Variants in DENND1B observed in about 807,000 individuals in gnomAD.
DENND1B encodes DENN domain containing 1B.
In DENND1B, 59 loss-of-function variants were observed where a neutral mutation model predicts 90.1. That is an observed-to-expected ratio of 0.65 (90% confidence interval 0.53 to 0.81). The LOEUF is 0.81. Among genes scored for constraint, DENND1B ranks in the 40% least tolerant of loss-of-function variants. The pLI, the probability that DENND1B is intolerant of heterozygous loss-of-function variation, is 0.00. For synonymous variants in DENND1B, 337 were observed against 324.6 expected, an observed-to-expected ratio of 1.04 and a Z score of -0.41; for missense variants, 862 against 912.6, an observed-to-expected ratio of 0.94 and a Z score of 0.71.
intron 2 of DENND1B, among the ~76,000 whole-genome samples, chr1:197,762,291 G>A (rs1655170342): frequency 6.6e-6 from 1 of 151,610 alleles, no homozygotes; most frequent in African/African-American, 2.4e-5. Context: ...TTTTGAGACG[G>A]AGTCTCGCTC....
At chr1:197,653,447 T>C (rs2125939372) in intron 6 of DENND1B, among the ~76,000 whole-genome samples, 1 of 152,248 alleles carries the variant, frequency 6.6e-6, no homozygotes, top group East Asian at 1.9e-4. Flanking sequence ...ATAAAAATTT[T>C]TAGACTAGCT....
At chr1:197,770,590 TTGTG>T (rs59631965) in intron 2 of DENND1B, among the ~76,000 whole-genome samples, 11 of 145,404 alleles carry the variant, frequency 7.6e-5, no homozygotes, top group East Asian at 3.9e-4. Context: ...AATTAGCCTG[TTGTG>T]TGTGTGTGTG....
intron 2 of DENND1B, among the ~76,000 whole-genome samples, chr1:197,725,403 AC>A (rs1661538417): frequency 6.6e-6 from 1 of 152,040 alleles, no homozygotes. Flanking sequence ...CCAAGAATAG[AC>A]CCTTTCTAAA....
intron 15 of DENND1B, among the ~76,000 whole-genome samples, chr1:197,579,005 A>G (rs1176050207): frequency 6.6e-6 from 1 of 152,284 alleles, no homozygotes; most frequent in African/African-American, 2.4e-5. Flanking sequence ...AGGCTTTCCG[A>G]GTGATTCAGA....
intron 20 of DENND1B, 50 bp from the exon 21 acceptor site, chr1:197,513,003 C>T: frequency 6.8e-7 from 1 of 1,480,354 alleles, no homozygotes; most frequent in South Asian, 1.2e-5. Flanking sequence ...TAAAATAAGT[C>T]TCTTTAGCAA....
chr1:197,728,477 TC>T (rs1168907600), intron 2 of DENND1B, among the ~76,000 whole-genome samples: 1 of 152,180 alleles, frequency 6.6e-6, no homozygotes, highest in African/African-American at 2.4e-5. Context: ...TTGACTAGTG[TC>T]CAACACTGAA....
intron 10 of DENND1B, among the ~76,000 whole-genome samples, chr1:197,622,684 T>C (rs1402516288): frequency 1.3e-5 from 2 of 151,246 alleles, no homozygotes; most frequent in Non-Finnish European, 3.0e-5. Context: ...TCCCAGAAAA[T>C]GTTAAAAGGA....
intron 20 of DENND1B, among the ~76,000 whole-genome samples, chr1:197,518,177 T>A (rs1668533008): frequency 6.6e-6 from 1 of 151,878 alleles, no homozygotes; most frequent in African/African-American, 2.4e-5. Context: ...AGCAAAATGA[T>A]TATGAGGTGT....
At chr1:197,678,318 A>G (rs1284726355) in intron 3 of DENND1B, among the ~76,000 whole-genome samples, 1 of 152,160 alleles carries the variant, frequency 6.6e-6, no homozygotes, top group Non-Finnish European at 1.5e-5. Flanking sequence ...ATTACACCAT[A>G]TCATATAAGG....
chr1:197,516,135 G>A (rs969926585), intron 20 of DENND1B, among the ~76,000 whole-genome samples: 3 of 151,770 alleles, frequency 2.0e-5, no homozygotes, highest in Admixed American at 2.0e-4. Flanking sequence ...CTTATGATAA[G>A]TTTTAACACT....
At chr1:197,515,989 GAA>G (rs1262121090) in intron 20 of DENND1B, among the ~76,000 whole-genome samples, 1 of 151,612 alleles carries the variant, frequency 6.6e-6, no homozygotes, top group Middle Eastern at 3.2e-3. Flanking sequence ...CTTTTTTTAT[GAA>G]GCTACTGCTT....
chr1:197,747,292 G>A, intron 2 of DENND1B: 1 of 606,648 alleles, frequency 1.6e-6, no homozygotes, highest in Non-Finnish European at 3.1e-6. Flanking sequence ...TTCAGTTTTG[G>A]GTTCATCTAT....
At chr1:197,616,722 A>G (rs1004203381) in intron 11 of DENND1B, among the ~76,000 whole-genome samples, 1 of 151,148 alleles carries the variant, frequency 6.6e-6, no homozygotes, top group African/African-American at 2.4e-5. Flanking sequence ...TGAAATAAGA[A>G]AGTTAAATGA....
chr1:197,685,577 T>C (rs555912359), intron 3 of DENND1B: 5 of 152,320 alleles, frequency 3.3e-5, no homozygotes, highest in African/African-American at 9.6e-5. Context: ...TATCTTAAAT[T>C]ACACAAGATT....
At chr1:197,694,870 C>T (rs1194691193) in intron 3 of DENND1B, among the ~76,000 whole-genome samples, 1 of 151,180 alleles carries the variant, frequency 6.6e-6, no homozygotes, top group Non-Finnish European at 1.5e-5. Context: ...CACCCTTCAA[C>T]AGAAAAATAA....
intron 20 of DENND1B, among the ~76,000 whole-genome samples, chr1:197,521,936 A>C (rs1668805266): frequency 1.3e-5 from 2 of 152,068 alleles, no homozygotes; most frequent in Admixed American, 6.6e-5. Context: ...GACAAGGTAA[A>C]TCATAAGTGA....
chr1:197,589,530 A>T (rs908708590), intron 14 of DENND1B, among the ~76,000 whole-genome samples: 5 of 152,192 alleles, frequency 3.3e-5, no homozygotes, highest in Admixed American at 1.3e-4. Flanking sequence ...TTGGATTTTT[A>T]AAACTCTAAT....
At chr1:197,683,651 A>G (rs1364934086) in intron 3 of DENND1B, among the ~76,000 whole-genome samples, 1 of 152,196 alleles carries the variant, frequency 6.6e-6, no homozygotes, top group Non-Finnish European at 1.5e-5. Context: ...GTATTCTCCA[A>G]TGTTACGAAA....
chr1:197,690,301 GC>G (rs1657727900), intron 3 of DENND1B: 1 of 199,760 alleles, frequency 5.0e-6, no homozygotes, highest in Non-Finnish European at 1.1e-5. Flanking sequence ...ATTATCTTGA[GC>G]CAACCAGGCC....
Sources: allele counts gnomAD v4.1 joint callset (sites outside exome capture counted in the v4.1 genomes callset), GRCh38; gene constraint gnomAD v4.1.1; transcripts MANE v1.5; gene names NCBI Gene and HGNC (gene_info 2026-07-23, HGNC 2026-07-21).